Variants in NPAS3 observed in about 807,000 individuals in gnomAD.
The protein encoded by NPAS3 is neuronal PAS domain protein 3.
Under a neutral mutation model 73.1 loss-of-function variants are expected in NPAS3, and 14 were observed. The ratio of observed to expected loss-of-function variants is 0.19; its 90% confidence interval spans 0.13 to 0.30. NPAS3 has a LOEUF of 0.30. Ranked by LOEUF, NPAS3 falls within the 10% of genes least tolerant of loss-of-function variation. NPAS3 has a pLI of 1.00. For synonymous variants in NPAS3, 620 were observed against 541.5 expected (o/e 1.14, Z -2.01); for missense variants, 1,096 against 1,250.0 (o/e 0.88, Z 1.86).
chr14:33,091,974 A>G (rs538362533), intron 2 of NPAS3, among the ~76,000 whole-genome samples: 1 of 152,304 alleles, frequency 6.6e-6, no homozygotes, highest in African/African-American at 2.4e-5. Context: ...ATGTATCTCA[A>G]AATAATAAGA....
At chr14:33,060,612 C>T (rs1426130030) in intron 2 of NPAS3, among the ~76,000 whole-genome samples, 1 of 152,210 alleles carries the variant, frequency 6.6e-6, no homozygotes, top group Non-Finnish European at 1.5e-5. Context: ...GAACCCCATC[C>T]TTTTCCAAGC....
At chr14:33,055,497 A>T (rs1248364096) in intron 1 of NPAS3, among the ~76,000 whole-genome samples, 1 of 152,256 alleles carries the variant, frequency 6.6e-6, no homozygotes, top group African/African-American at 2.4e-5. Flanking sequence ...GCTAATTTAC[A>T]GTTGCCTACA....
intron 4 of NPAS3, among the ~76,000 whole-genome samples, chr14:33,367,666 T>C (rs991410863): frequency 2.0e-5 from 3 of 151,900 alleles, no homozygotes; most frequent in African/African-American, 7.3e-5. Flanking sequence ...TTTTTTTTTT[T>C]TTGTGTCGCC....
chr14:32,957,965 C>T lies in NPAS3; in HGVS notation c.50+18599C>T, dbSNP rs558090035. ...TTTGGAATTATTGCAGTTACATTCA[C>T]TGTCCACCGCTCCAACTCAGTACAG... On this transcript the variant is annotated intron_variant, in intron 1 of 11. Transcript: ENST00000356141. Among the ~76,000 whole-genome samples the T allele has an allele frequency of 1.1e-4, 16 of 152,274 alleles. 1 individual carries two copies. The East Asian group carries it at 2.7e-3, about 26-fold the overall frequency.
downstream of NPAS3, chr14:33,801,876 G>A (rs566250983): frequency 2.6e-5 from 4 of 151,838 alleles, no homozygotes; most frequent in Admixed American, 6.6e-5. Flanking sequence ...AAAAAAAAAT[G>A]TGTTCTGTCC....
In NPAS3 at chr14:33,800,256, C is replaced by T; in HGVS notation, c.1949C>T (p.Thr650Met). Residue 650 changes from threonine to methionine, a missense_variant, in exon 12 of 12, where the codon ACG (threonine) becomes ATG (methionine). Physicochemically the swap from Thr to Met is moderately conservative, Grantham distance 81. Around this residue, in one of 5 missense-constraint regions of NPAS3, gnomAD observed 698 missense variants for 676.7 expected, o/e 1.03. Transcript: ENST00000356141. The surrounding 1 kb of genome is among the most constrained non-coding windows in gnomAD (Gnocchi z 6.5). ...AGTGCCTCGGTGCTCAAGATCAAGA[C>T]GGAGATCTCAGAACCCATCAATTTC... is the stretch of plus-strand genomic sequence containing the variant. 2 of 1,613,336 alleles carry T rather than the reference C, an allele frequency of 1.2e-6. No individual in the cohort carries two copies. The highest frequency in any genetic ancestry group is 1.7e-6 in the Non-Finnish European group (2 of 1,179,662).
chr14:33,508,301 A>G (rs2052870591), intron 4 of NPAS3, among the ~76,000 whole-genome samples: 1 of 152,024 alleles, frequency 6.6e-6, no homozygotes, highest in Non-Finnish European at 1.5e-5. Flanking sequence ...TACGTGACAA[A>G]TCACGCCTTC....
chr14:33,184,911 C>T (rs1032013542), intron 2 of NPAS3, among the ~76,000 whole-genome samples: 5 of 152,152 alleles, frequency 3.3e-5, no homozygotes, highest in Non-Finnish European at 7.3e-5. Flanking sequence ...CAGCCTGAAA[C>T]CTAGAAGAAA....
chr14:33,037,447 C>A (rs978045304), intron 1 of NPAS3, among the ~76,000 whole-genome samples: 1 of 150,234 alleles, frequency 6.7e-6, no homozygotes, highest in Non-Finnish European at 1.5e-5. Flanking sequence ...GAGTTTGAGA[C>A]CAGCCTGGAC....
chr14:33,645,874 C>A (rs142287214), intron 5 of NPAS3, among the ~76,000 whole-genome samples: 1 of 152,218 alleles, frequency 6.6e-6, no homozygotes, highest in African/African-American at 2.4e-5. Flanking sequence ...TGAGTGCATG[C>A]GTCTCACATG....
chr14:33,625,428 A>G (rs930368607), intron 5 of NPAS3, among the ~76,000 whole-genome samples: 1 of 152,216 alleles, frequency 6.6e-6, no homozygotes, highest in African/African-American at 2.4e-5. Context: ...CTTGTGACAA[A>G]TGGGGATGAA....
At chr14:33,500,461 A>G (rs1001397309) in intron 4 of NPAS3, among the ~76,000 whole-genome samples, 6 of 151,872 alleles carry the variant, frequency 4.0e-5, no homozygotes, top group Non-Finnish European at 8.8e-5. Flanking sequence ...GCTGCTACAG[A>G]TGAATCGGGT....
intron 2 of NPAS3, among the ~76,000 whole-genome samples, chr14:33,198,015 C>G (rs1029356960): frequency 6.6e-6 from 1 of 151,304 alleles, no homozygotes; most frequent in Non-Finnish European, 1.5e-5. Flanking sequence ...AGCTGCAGAC[C>G]TTCACGGTGA....
intron 4 of NPAS3, among the ~76,000 whole-genome samples, chr14:33,530,413 T>TA (rs1468477640): frequency 6.6e-6 from 1 of 152,192 alleles, no homozygotes; most frequent in Non-Finnish European, 1.5e-5. Context: ...TTAGCATAAT[T>TA]AGAGTATCGT....
At chr14:33,090,973 G>A (rs2042205305) in intron 2 of NPAS3, among the ~76,000 whole-genome samples, 3 of 152,138 alleles carry the variant, frequency 2.0e-5, no homozygotes, top group African/African-American at 7.2e-5. Context: ...CAGAATCTCT[G>A]GGACACATTT....
intron 2 of NPAS3, among the ~76,000 whole-genome samples, chr14:33,089,366 A>G (rs191980571): frequency 6.6e-6 from 1 of 152,372 alleles, no homozygotes; most frequent in East Asian, 1.9e-4. Flanking sequence ...AAGCCTCAGT[A>G]GCTGATTCAA....
intron 2 of NPAS3, among the ~76,000 whole-genome samples, chr14:33,170,154 T>G (rs2045335674): frequency 6.6e-6 from 1 of 152,180 alleles, no homozygotes; most frequent in African/African-American, 2.4e-5. Flanking sequence ...ATAATGCAGG[T>G]TCAGTTCCAG....
chr14:33,755,831 C>T (rs2062098132), intron 7 of NPAS3, among the ~76,000 whole-genome samples: 1 of 152,038 alleles, frequency 6.6e-6, no homozygotes, highest in Admixed American at 6.6e-5. Flanking sequence ...AGGCTGCTTC[C>T]ACTCGTGGCA....
intron 1 of NPAS3, among the ~76,000 whole-genome samples, chr14:33,048,012 T>A (rs2040570351): frequency 6.6e-6 from 1 of 152,164 alleles, no homozygotes; most frequent in African/African-American, 2.4e-5. Context: ...AAAGCAGAAT[T>A]TGCTGGTAGG....
Sources: allele counts gnomAD v4.1 joint callset (sites outside exome capture counted in the v4.1 genomes callset), GRCh38; gene constraint gnomAD v4.1.1; regional missense constraint gnomAD v4.1.1; non-coding constraint Gnocchi (gnomAD v3.1); transcripts MANE v1.5; gene names NCBI Gene and HGNC (gene_info 2026-07-23, HGNC 2026-07-21).